Variants in ANKRD26 observed in about 807,000 individuals in gnomAD.
The protein encoded by ANKRD26 is ankyrin repeat domain 26.
Under a neutral mutation model 208.7 loss-of-function variants are expected in ANKRD26, and 141 were observed. The observed-to-expected ratio is 0.68, with a 90% CI of 0.59 to 0.78. The LOEUF is 0.78. Ranked by LOEUF, ANKRD26 falls within the 30% of genes least tolerant of loss-of-function variation. The pLI is 0.00. For synonymous variants in ANKRD26, 636 were observed against 660.4 expected, an observed-to-expected ratio of 0.96 and a Z score of 0.57; for missense variants, 1,889 against 1,938.7, an observed-to-expected ratio of 0.97 and a Z score of 0.48.
At chr10:27,056,537 G>C (rs1020482631) in intron 15 of ANKRD26, among the ~76,000 whole-genome samples, 41 of 152,058 alleles carry the variant, frequency 2.7e-4, no homozygotes, top group African/African-American at 9.6e-4. Flanking sequence ...CCACAATTTG[G>C]GGGGCTGAGG....
chr10:26,963,903 G>GGTTTTTTTTTTTT, the ANKRD26 span, among the ~76,000 whole-genome samples: 1 of 71,850 alleles, frequency 1.4e-5, no homozygotes, highest in Admixed American at 1.5e-4. Flanking sequence ...TGGTTGGTTG[G>GGTTTTTTTTTTTT]TTTTTTTTTT....
intron 9 of ANKRD26, among the ~76,000 whole-genome samples, chr10:27,068,738 C>T (rs867348846): frequency 2.0e-5 from 3 of 151,862 alleles, no homozygotes; most frequent in Middle Eastern, 3.4e-3. Flanking sequence ...GAAAGGTCAC[C>T]CTGGCAGCAA....
intron 29 of ANKRD26, among the ~76,000 whole-genome samples, chr10:27,019,783 TTG>T (rs2053425057): frequency 1.3e-5 from 2 of 152,364 alleles, no homozygotes; most frequent in Admixed American, 1.3e-4. Flanking sequence ...ATGTTTCTTA[TTG>T]TCTCTTTTTG....
At chr10:26,961,686 A>AAAT in the ANKRD26 span, among the ~76,000 whole-genome samples, 15,108 of 151,904 alleles carry the variant, frequency 0.099, 1,371 homozygotes, top group East Asian at 0.48. Context: ...TCTACAATAA[A>AAAT]AATAATAATA....
intron 5 of ANKRD26, among the ~76,000 whole-genome samples, chr10:26,978,237 C>T (rs1273599620): frequency 6.6e-6 from 1 of 151,564 alleles, no homozygotes; most frequent in South Asian, 2.1e-4. Flanking sequence ...GATCACCTGA[C>T]GTCAGGAGTG....
intron 16 of ANKRD26, chr10:27,050,911 T>G: frequency 2.0e-6 from 1 of 496,626 alleles, no homozygotes; most frequent in South Asian, 2.5e-5. Flanking sequence ...TCTTGTTACT[T>G]AGATAGCAGA....
chr10:27,008,597 C>T (rs1049124144), intron 32 of ANKRD26, among the ~76,000 whole-genome samples: 5 of 152,100 alleles, frequency 3.3e-5, no homozygotes, highest in African/African-American at 9.7e-5. Flanking sequence ...TTTACAAATA[C>T]TTCCATAATA....
At chr10:27,081,592 T>A (rs1564423269) in intron 6 of ANKRD26, among the ~76,000 whole-genome samples, 1 of 152,210 alleles carries the variant, frequency 6.6e-6, no homozygotes, top group Non-Finnish European at 1.5e-5. Context: ...TTCTGATTAG[T>A]CTGATTCCTT....
chr10:26,970,951 AAG>A (rs779465485), downstream of ANKRD26, among the ~76,000 whole-genome samples: 40 of 152,370 alleles, frequency 2.6e-4, no homozygotes, highest in Non-Finnish European at 4.4e-4. Flanking sequence ...AAATGAAGGC[AAG>A]AGAGACTTTG....
At chr10:27,045,235 C>T (rs2054397872) in intron 18 of ANKRD26, among the ~76,000 whole-genome samples, 2 of 152,208 alleles carry the variant, frequency 1.3e-5, no homozygotes, top group South Asian at 4.1e-4. Context: ...ACCAGCTTGG[C>T]CAACATGGCG....
Position 27,043,472 on chromosome 10 carries a change from G to C in ANKRD26, c.2115C>G (p.Tyr705Ter), listed in dbSNP as rs1217944159. The change falls in exon 20 of 34, where the codon TAC becomes TAG. Residue 705 changes from tyrosine (Y) to a stop codon, truncating the protein, a stop_gained. Coordinates refer to ENST00000376087, the MANE Select transcript of ANKRD26 (RefSeq NM_014915.3). LOFTEE classifies it high-confidence loss of function. Reference sequence around the variant, plus strand: ...GTTCAATGAGCAACATAAAATTCTTGTAACTAGAGTGGGGTAGCTCACAAT... The same window carrying C: ...GTTCAATGAGCAACATAAAATTCTTCTAACTAGAGTGGGGTAGCTCACAAT... ...SEDCELPHSS[Y>*]KNFMLLIEQL... 1 of 1,613,962 alleles carries C rather than the reference G, an allele frequency of 6.2e-7. No individual in the cohort carries two copies. The highest frequency in any genetic ancestry group is 1.7e-5 in the Admixed American group (1 of 60,020).
chr10:27,041,042 A>G (rs1385553789), intron 20 of ANKRD26, among the ~76,000 whole-genome samples: 2 of 151,868 alleles, frequency 1.3e-5, no homozygotes, highest in South Asian at 2.1e-4. Flanking sequence ...GAAAAAAAAA[A>G]AAAAGAAAAG....
exon 6 of ANKRD26, among the ~76,000 whole-genome samples, chr10:26,974,249 A>C (rs2052191338): frequency 6.6e-6 from 1 of 151,572 alleles, no homozygotes; most frequent in African/African-American, 2.4e-5. Context: ...ACATCACATT[A>C]TTATTTTTTA....
At chr10:27,036,034 C>A (rs2054032347) in intron 23 of ANKRD26, among the ~76,000 whole-genome samples, 2 of 151,954 alleles carry the variant, frequency 1.3e-5, no homozygotes, top group East Asian at 1.9e-4. Context: ...TACTGAAGTA[C>A]AACAAATTCA....
intron 5 of ANKRD26, among the ~76,000 whole-genome samples, chr10:26,993,423 CCT>C (rs1447494502): frequency 6.6e-6 from 1 of 152,106 alleles, no homozygotes; most frequent in Non-Finnish European, 1.5e-5. Context: ...CACCATTGGC[CCT>C]TTGTGTGGTT....
At chr10:27,017,879 A>C (rs1200036690) in intron 29 of ANKRD26, 87 bp from the exon 30 acceptor site, 11 of 1,279,860 alleles carry the variant, frequency 8.6e-6, no homozygotes, top group Non-Finnish European at 1.2e-5. Flanking sequence ...TTTTGAAATA[A>C]ATTCAGTTGC....
At chr10:27,026,872 C>T (rs1483127029) in intron 27 of ANKRD26, among the ~76,000 whole-genome samples, 1 of 151,950 alleles carries the variant, frequency 6.6e-6, no homozygotes, top group Non-Finnish European at 1.5e-5. Context: ...CTGTAACCTC[C>T]ACCTTCTGGG....
chr10:26,949,956 T>C, the ANKRD26 span, among the ~76,000 whole-genome samples: 3 of 152,238 alleles, frequency 2.0e-5, no homozygotes, highest in South Asian at 2.1e-4. Context: ...CCTTTAGTTA[T>C]GATTGAAAAA....
intron 23 of ANKRD26, among the ~76,000 whole-genome samples, chr10:27,036,840 A>G (rs967338405): frequency 2.0e-5 from 3 of 152,158 alleles, no homozygotes; most frequent in Non-Finnish European, 2.9e-5. Flanking sequence ...TAATATATCA[A>G]GGTGATGAAA....
Sources: gnomAD v4.1 joint callset for allele counts (sites outside exome capture counted in the v4.1 genomes callset) on GRCh38, gnomAD v4.1.1 for gene constraint, MANE v1.5 for transcripts, NCBI Gene and HGNC (gene_info 2026-07-23, HGNC 2026-07-21) for gene names.